BCHE: variants seen among roughly 807,000 people sequenced by gnomAD.
The protein encoded by BCHE is butyrylcholinesterase.
Under a neutral mutation model 51.3 loss-of-function variants are expected in BCHE, and 48 were observed. That is an observed-to-expected ratio of 0.94 (90% CI 0.74 to 1.19). The LOEUF is 1.19. Among genes scored for constraint, BCHE ranks in the 50% most tolerant of loss-of-function variants. The pLI is 0.00. For missense variants in BCHE, 847 were observed against 708.2 expected, an observed-to-expected ratio of 1.20 and a Z score of -2.23; for synonymous variants, 251 against 238.0, an observed-to-expected ratio of 1.05 and a Z score of -0.50.
chr3:165,792,112 C>A (rs1183683837), intron 2 of BCHE, among the ~76,000 whole-genome samples: 1 of 152,014 alleles, frequency 6.6e-6, no homozygotes, highest in African/African-American at 2.4e-5. Flanking sequence ...TCAATTAGAT[C>A]CACCAGTTCT....
chr3:165,828,674 A>T (rs537116982), intron 2 of BCHE, among the ~76,000 whole-genome samples: 1 of 152,060 alleles, frequency 6.6e-6, no homozygotes, highest in African/African-American at 2.4e-5. Context: ...AATTATTCAC[A>T]TTGGTGCAAT....
Position 165,830,509 on chromosome 3 carries a change from C to T in BCHE, c.525G>A (p.Arg175=). 2 of 1,613,930 alleles carry T rather than the reference C, an allele frequency of 1.2e-6. No homozygotes were observed. The highest frequency in any genetic ancestry group is 2.7e-5 in the African/African-American group (2 of 75,034). The part of the protein sequence containing the change: ...ERVIVVSMNY[R]VGALGFLALP... Reference sequence around the variant, plus strand: ...AAGCTAAGAATCCTAGGGCACCCACCCTATAGTTCATTGACACTACAATAA... The same window carrying T: ...AAGCTAAGAATCCTAGGGCACCCACTCTATAGTTCATTGACACTACAATAA... The change falls in exon 2 of 4, where the codon AGG becomes AGA. Residue 175 remains arginine, a synonymous_variant. Coordinates refer to ENST00000264381, the MANE Select transcript of BCHE (RefSeq NM_000055.4).
chr3:165,804,775 C>T (rs138104188), intron 2 of BCHE, among the ~76,000 whole-genome samples: 289 of 152,236 alleles, frequency 1.9e-3, no homozygotes, highest in African/African-American at 6.7e-3. Flanking sequence ...TGCCAGGCAA[C>T]ATTAAAGAAT....
intron 2 of BCHE, among the ~76,000 whole-genome samples, chr3:165,794,122 C>T (rs573929024): frequency 6.6e-6 from 1 of 151,480 alleles, no homozygotes; most frequent in Non-Finnish European, 1.5e-5. Flanking sequence ...ACTATATACC[C>T]AAATAAAATG....
At position 165,830,271 on chromosome 3, in the gene BCHE, A is replaced by G. The variant is rs767064134; in HGVS notation, c.763T>C (p.Phe255Leu). ...GATGTTACCGCCCAAGGAGCATTAA[A>G]GGATCCACTTTGCAGAATGGCTCTG... Reference protein sequence around the residue: ...FTRAILQSGSFNAPWAVTSLY... With the variant: ...FTRAILQSGSLNAPWAVTSLY... Residue 255 changes from phenylalanine to leucine, a missense_variant, in exon 2 of 4, where the codon TTT (phenylalanine) becomes CTT (leucine). By Grantham distance (22) the Phe-to-Leu change is conservative (BLOSUM62 0). Coordinates refer to ENST00000264381, the MANE Select transcript of BCHE (RefSeq NM_000055.4). 6.2e-7 allele frequency: 1 copy of G among 1,614,062 alleles called. No individual in the cohort carries two copies. The highest frequency in any genetic ancestry group is 1.7e-5 in the Admixed American group (1 of 59,982).
At chr3:165,788,973 G>A (rs1031756078) in intron 2 of BCHE, among the ~76,000 whole-genome samples, 2 of 152,078 alleles carry the variant, frequency 1.3e-5, no homozygotes, top group African/African-American at 4.8e-5. Context: ...AATTCTGTCT[G>A]TATCAATTAA....
chr3:165,829,641 TCA>T lies in BCHE; in HGVS notation c.1391_1392del (p.Val464AspfsTer5), dbSNP rs776566122. The T allele has an allele frequency of 1.9e-6, 3 of 1,613,898 alleles. No individual in the cohort carries two copies. The highest frequency in any genetic ancestry group is 2.5e-6 in the Non-Finnish European group (3 of 1,179,882). On this transcript the variant is annotated frameshift_variant, in exon 2 of 4. Transcript: ENST00000264381. LOFTEE classifies it high-confidence loss of function. ...SKLPWPEWMG[V>X]MHGYEIEFVF... ...ACAAATTCAATTTCATAGCCATGCATCACTCCCATCCATTCTGGCCACGGAAG... is the reference window on the plus strand; with the variant it reads ...ACAAATTCAATTTCATAGCCATGCATCTCCCATCCATTCTGGCCACGGAAG...
chr3:165,777,287 G>GATAAA (rs1712508222), intron 3 of BCHE, among the ~76,000 whole-genome samples: 1 of 151,844 alleles, frequency 6.6e-6, no homozygotes, highest in Non-Finnish European at 1.5e-5. Context: ...GAATACAGTT[G>GATAAA]ATTTAAAACA....
rs1714876589 is a variant in BCHE, at chr3:165,829,749, G to A, written c.1285C>T (p.Pro429Ser). The change falls in exon 2 of 4, where the codon CCT becomes TCT. Residue 429 changes from proline (P) to serine (S), a missense_variant. Pro to Ser is a moderately conservative substitution (Grantham distance 74). Coordinates refer to ENST00000264381, the MANE Select transcript of BCHE (RefSeq NM_000055.4). ...AACTTCTTGGTGAACTCCAAGGCAG[G>A]GCATATGAAATTATAATCCCCAACA... ...DVVGDYNFIC[P>S]ALEFTKKFSE... 5 of 1,613,612 alleles carry A rather than the reference G, an allele frequency of 3.1e-6. No individual in the cohort carries two copies. The highest frequency in any genetic ancestry group is 1.7e-5 in the Admixed American group (1 of 59,900).
chr3:165,790,201 G>C (rs1304310246), intron 2 of BCHE, among the ~76,000 whole-genome samples: 1 of 152,058 alleles, frequency 6.6e-6, no homozygotes, highest in African/African-American at 2.4e-5. Context: ...CTCCATGGAG[G>C]GGAAGGAGCT....
At chr3:165,807,291 C>T (rs1020613416) in intron 2 of BCHE, among the ~76,000 whole-genome samples, 2 of 151,536 alleles carry the variant, frequency 1.3e-5, no homozygotes, top group Non-Finnish European at 2.9e-5. Flanking sequence ...TTTCTGCGAT[C>T]TCTCATGATA....
intron 2 of BCHE, among the ~76,000 whole-genome samples, chr3:165,817,908 A>G (rs1714370620): frequency 1.3e-5 from 2 of 152,094 alleles, no homozygotes; most frequent in South Asian, 4.1e-4. Flanking sequence ...TTTACCCTCA[A>G]AGGCCTTACA....
intron 2 of BCHE, among the ~76,000 whole-genome samples, chr3:165,815,033 GTTAGTA>G (rs1714257687): frequency 1.3e-5 from 2 of 148,596 alleles, no homozygotes; most frequent in Non-Finnish European, 3.0e-5. Context: ...ACCAATATAT[GTTAGTA>G]TTAGTATCAT....
At chr3:165,787,208 C>A (rs927784294) in intron 2 of BCHE, among the ~76,000 whole-genome samples, 1 of 151,738 alleles carries the variant, frequency 6.6e-6, no homozygotes, top group Non-Finnish European at 1.5e-5. Flanking sequence ...GTGTTGAGCT[C>A]ATTTATACCT....
At chr3:165,789,558 T>G (rs1713091399) in intron 2 of BCHE, among the ~76,000 whole-genome samples, 1 of 152,178 alleles carries the variant, frequency 6.6e-6, no homozygotes, top group Admixed American at 6.5e-5. Flanking sequence ...CAGAGACAGT[T>G]ATTTCTAAGT....
At chr3:165,828,916 G>A (rs913247944) in intron 2 of BCHE, among the ~76,000 whole-genome samples, 1 of 151,970 alleles carries the variant, frequency 6.6e-6, no homozygotes, top group African/African-American at 2.4e-5. Flanking sequence ...GGTGGAGAAC[G>A]GCTTAGCTAA....
At chr3:165,816,721 G>C (rs532144006) in intron 2 of BCHE, among the ~76,000 whole-genome samples, 3 of 151,680 alleles carry the variant, frequency 2.0e-5, no homozygotes, top group South Asian at 2.1e-4. Context: ...ATTTAGTCTT[G>C]AGTGGATACC....
At chr3:165,821,494 T>G (rs1006362480) in intron 2 of BCHE, among the ~76,000 whole-genome samples, 3 of 151,690 alleles carry the variant, frequency 2.0e-5, no homozygotes, top group Admixed American at 1.3e-4. Context: ...AAATAAGTGA[T>G]GTTAAAATAC....
chr3:165,837,006 G>C (rs1179796939), intron 1 of BCHE, among the ~76,000 whole-genome samples: 1 of 151,976 alleles, frequency 6.6e-6, no homozygotes, highest in African/African-American at 2.4e-5. Flanking sequence ...TTTTTTCTTA[G>C]GAAACTCACT....
Sources: gnomAD v4.1 joint callset for allele counts (sites outside exome capture counted in the v4.1 genomes callset) on GRCh38, gnomAD v4.1.1 for gene constraint, MANE v1.5 for transcripts, NCBI Gene and HGNC (gene_info 2026-07-23, HGNC 2026-07-21) for gene names.